The following PARD3 variants were observed in gnomAD, a reference collection of about 807,000 sequenced individuals.
The protein encoded by PARD3 is par-3 family cell polarity regulator, also known as partitioning defective 3 homolog.
A neutral mutation model predicts 155.4 loss-of-function variants in PARD3; 75 were observed. The ratio of observed to expected loss-of-function variants is 0.48; its 90% CI spans 0.40 to 0.58. PARD3 has a LOEUF of 0.58. Ranked by LOEUF, PARD3 falls within the 20% of genes least tolerant of loss-of-function variation. The pLI is 0.00. For missense variants in PARD3, 1,642 were observed against 1,721.7 expected (o/e 0.95, Z 0.82); for synonymous variants, 576 against 610.5 (o/e 0.94, Z 0.83).
At chr10:34,659,316 G>GTT (rs902791640) in intron 2 of PARD3, among the ~76,000 whole-genome samples, 2 of 152,078 alleles carry the variant, frequency 1.3e-5, no homozygotes, top group Non-Finnish European at 2.9e-5. Flanking sequence ...AAACTTTTTA[G>GTT]TTTTTTTAAT....
At chr10:34,149,185 T>A (rs987807360) in intron 22 of PARD3, among the ~76,000 whole-genome samples, 7 of 152,144 alleles carry the variant, frequency 4.6e-5, no homozygotes, top group Non-Finnish European at 1.0e-4. Context: ...TGAGTATTTT[T>A]AAATAAATAA....
At chr10:34,540,803 C>A (rs956621682) in intron 2 of PARD3, among the ~76,000 whole-genome samples, 1 of 151,928 alleles carries the variant, frequency 6.6e-6, no homozygotes, top group Non-Finnish European at 1.5e-5. Context: ...GGGGTGTAAT[C>A]TTTTTACTTT....
At chr10:34,220,374 C>T (rs1320423336) in intron 22 of PARD3, among the ~76,000 whole-genome samples, 7 of 152,158 alleles carry the variant, frequency 4.6e-5, no homozygotes, top group Non-Finnish European at 2.9e-5. Context: ...ACCAAAAGAA[C>T]AGTCCCATGT....
Position 34,337,212 on chromosome 10 carries a change from T to C in PARD3, c.2560+63A>G. On this transcript the variant is annotated intron_variant, in intron 17 of 24. Coordinates refer to ENST00000374788, the MANE Select transcript of PARD3 (RefSeq NM_001184785.2). ...GTAAACAGACATCTGCTTGGGACCA[T>C]CAATTTTATCCTGAAAGCATTTAAA... is the stretch of plus-strand genomic sequence containing the variant. 5.8e-6 allele frequency: 6 copies of C among 1,037,862 alleles called. No homozygotes were observed. In the South Asian group the frequency reaches 6.2e-5, roughly 11 times the overall value. 64.3% of individuals were successfully genotyped at this position (1,037,862 alleles called of 1,614,324 possible). A position where few individuals can be genotyped will look rare whatever the true frequency, so the allele number is the denominator to read the frequency against.
In PARD3 at chr10:34,360,191, T is replaced by G; in HGVS notation, c.1776A>C (p.Pro592=). ...GGCCTGCAGATCCTGAATCATTAAG[T>G]GGGACTTCAAATGTCAGAAATTCCC... The part of the protein sequence containing the change: ...GTREFLTFEV[P]LNDSGSAGLG... The change falls in exon 13 of 25, where the codon CCA becomes CCC. Residue 592 remains proline (P), a synonymous_variant. Coordinates refer to ENST00000374788, the MANE Select transcript of PARD3 (RefSeq NM_001184785.2). 2 of 1,613,902 alleles carry G rather than the reference T, an allele frequency of 1.2e-6. No homozygotes were observed. Among genetic ancestry groups the G allele is most frequent in the Non-Finnish European group, 1.7e-6 (2 of 1,179,760 alleles).
chr10:34,377,779 T>A (rs1181456712), intron 10 of PARD3, among the ~76,000 whole-genome samples, 188 bp downstream of exon 10: 1 of 151,872 alleles, frequency 6.6e-6, no homozygotes, highest in East Asian at 1.9e-4. Context: ...TTTTAACAAT[T>A]AAAAAAATAT....
intron 22 of PARD3, among the ~76,000 whole-genome samples, chr10:34,213,761 G>A (rs61250157): frequency 1.3e-4 from 20 of 152,334 alleles, no homozygotes; most frequent in African/African-American, 3.8e-4. Context: ...GACAGGAGGT[G>A]ACGTGGGCAG....
chr10:34,130,742 T>TG lies in PARD3; in HGVS notation c.3540+720dup, dbSNP rs1018632401. On this transcript the variant is annotated intron_variant, in intron 23 of 24. Transcript: ENST00000374788. ...ATAAGATGGATTCAACAAACACACA[T>TG]GGGGGGTGCAAAAGATTAAAGAATC... 2.0e-5 allele frequency among the ~76,000 whole-genome samples: 3 copies of TG among 152,058 alleles called. No homozygotes were observed. The South Asian group carries it at 6.2e-4, about 32-fold the overall frequency.
At chr10:34,597,849 T>C (rs1307663691) in intron 2 of PARD3, among the ~76,000 whole-genome samples, 1 of 152,156 alleles carries the variant, frequency 6.6e-6, no homozygotes, top group Non-Finnish European at 1.5e-5. Context: ...CGAACTGCAC[T>C]TTCAGTCAGC....
intron 5 of PARD3, among the ~76,000 whole-genome samples, chr10:34,421,689 A>T (rs1217537643): frequency 6.6e-6 from 1 of 152,196 alleles, no homozygotes; most frequent in East Asian, 1.9e-4. Context: ...AATGCCTATG[A>T]TATGCTAAGT....
intron 3 of PARD3, among the ~76,000 whole-genome samples, chr10:34,480,844 C>G (rs1198074988): frequency 6.9e-6 from 1 of 145,786 alleles, no homozygotes; most frequent in Non-Finnish European, 1.5e-5. Context: ...GCTCTGTCAC[C>G]AGCCTGGAGT....
chr10:34,655,333 G>GACATAATTCTATATGTCTAGAATAAA (rs2093136325), intron 2 of PARD3, among the ~76,000 whole-genome samples: 1 of 152,004 alleles, frequency 6.6e-6, no homozygotes, highest in Non-Finnish European at 1.5e-5. Flanking sequence ...TCTATAAATT[G>GACATAATTCTATATGTCTAGAATAAA]TTCTAGAATA....
In PARD3 at chr10:34,389,239, T is replaced by TAAAAAAAAAA. The variant is rs57615675; in HGVS notation, c.891-4995_891-4986dup. On this transcript the variant is annotated intron_variant, in intron 7 of 24. Coordinates refer to ENST00000374788, the MANE Select transcript of PARD3 (RefSeq NM_001184785.2). ...GACTTCGTTTTTGAACAATGTTTCT[T>TAAAAAAAAAA]AAAAAAAAAAAAAAAAAAAAAAAAA... is the stretch of plus-strand genomic sequence containing the variant. Among the ~76,000 whole-genome samples, 19 of 65,852 alleles carry TAAAAAAAAAA rather than the reference T, an allele frequency of 2.9e-4. 3 individuals are homozygous for TAAAAAAAAAA. The highest frequency in any genetic ancestry group is 1.0e-3 in the African/African-American group (14 of 13,802). 43.2% of individuals were successfully genotyped at this position (65,852 alleles called of 152,430 possible).
chr10:34,404,760 A>G (rs1265429466), intron 5 of PARD3, among the ~76,000 whole-genome samples: 1 of 151,988 alleles, frequency 6.6e-6, no homozygotes, highest in Non-Finnish European at 1.5e-5. Flanking sequence ...CCATGTTTCT[A>G]TCCCTTCTTC....
Position 34,383,223 on chromosome 10 carries a change from T to A in PARD3, c.1017-301A>T, listed in dbSNP as rs549971108. 9.2e-5 allele frequency among the ~76,000 whole-genome samples: 14 copies of A among 152,334 alleles called. No individual in the cohort carries two copies. In the South Asian group the frequency reaches 2.5e-3, roughly 27 times the overall value. ...CATGTTTTAAGTATAACAAGTATTATAATTTCAATAATAGAAACCAAATGG... is the reference window on the plus strand; with the variant it reads ...CATGTTTTAAGTATAACAAGTATTAAAATTTCAATAATAGAAACCAAATGG... On this transcript the variant is annotated intron_variant, in intron 8 of 24. Transcript: ENST00000374788.
In PARD3 at chr10:34,209,142, G is replaced by A. The variant is rs561612656; in HGVS notation, c.3419+60515C>T. 6.8e-4 allele frequency among the ~76,000 whole-genome samples: 103 copies of A among 152,208 alleles called. 2 individuals carry two copies. Among genetic ancestry groups the A allele is most frequent in the Middle Eastern group, 6.8e-3 (2 of 294 alleles). ...TGACTTCAGATTTTCTTTCTACTTG[G>A]GTGACCTAGAATCCCTTCTTCCTTT... On this transcript the variant is annotated intron_variant, in intron 22 of 24. Coordinates refer to ENST00000374788, the MANE Select transcript of PARD3 (RefSeq NM_001184785.2).
chr10:34,282,625 G>A (rs997168611), intron 21 of PARD3, among the ~76,000 whole-genome samples: 4 of 152,132 alleles, frequency 2.6e-5, no homozygotes, highest in Non-Finnish European at 5.9e-5. Flanking sequence ...TCTATCCCCT[G>A]TGGCAGGTAT....
chr10:34,295,251 G>A (rs187145649), intron 20 of PARD3, among the ~76,000 whole-genome samples: 2 of 152,138 alleles, frequency 1.3e-5, no homozygotes, highest in African/African-American at 2.4e-5. Flanking sequence ...GTCAGAACAC[G>A]GAGATGTGTT....
At chr10:34,717,891 C>T (rs1018743455) in intron 1 of PARD3, among the ~76,000 whole-genome samples, 9 of 152,188 alleles carry the variant, frequency 5.9e-5, no homozygotes, top group Non-Finnish European at 8.8e-5. Flanking sequence ...TGGTGGCTCA[C>T]GCCTGTAATC....
Sources: allele counts gnomAD v4.1 joint callset (sites outside exome capture counted in the v4.1 genomes callset), GRCh38; gene constraint gnomAD v4.1.1; transcripts MANE v1.5; gene names NCBI Gene and HGNC (gene_info 2026-07-23, HGNC 2026-07-21).